Variants in HS6ST1 observed in about 807,000 individuals in gnomAD.
The protein encoded by HS6ST1 is heparan sulfate 6-O-sulfotransferase 1, also known as heparan-sulfate 6-O-sulfotransferase 1.
In HS6ST1, 3 loss-of-function variants were observed where a neutral mutation model predicts 25.2. That is an observed-to-expected ratio of 0.12 (90% CI 0.05 to 0.31). HS6ST1 has a LOEUF of 0.31. Ranked by LOEUF, HS6ST1 falls within the 10% of genes least tolerant of loss-of-function variation. The pLI is 1.00. For synonymous variants in HS6ST1, 204 were observed against 275.1 expected (o/e 0.74, Z 2.56); for missense variants, 310 against 609.6 (o/e 0.51, Z 5.18).
chr2:128,273,148 G>A (rs1215780325), intron 1 of HS6ST1, among the ~76,000 whole-genome samples: 1 of 152,184 alleles, frequency 6.6e-6, no homozygotes, highest in Admixed American at 6.5e-5. Flanking sequence ...CTGGCCCAGC[G>A]GCTCTGCGTC....
Position 128,265,899 on chromosome 2 carries a change from G to A in HS6ST1, c.*2263C>T, listed in dbSNP as rs1693503211. The A allele has an allele frequency of 6.6e-6, 1 of 152,016 alleles. No individual in the cohort carries two copies. Among genetic ancestry groups the A allele is most frequent in the Non-Finnish European group, 1.5e-5 (1 of 67,990 alleles). The allele number at this position is 152,016 out of a possible 1,614,324, so 9.4% of individuals were successfully genotyped here. A position where few individuals can be genotyped will look rare whatever the true frequency, so the allele number is the denominator to read the frequency against. On this transcript the variant is annotated 3_prime_UTR_variant, in exon 2 of 2. Coordinates refer to ENST00000259241, the MANE Select transcript of HS6ST1 (RefSeq NM_004807.3). ...CAAAGGAACTGTTGACCCAAAGCAG[G>A]TGGCCTGAATGGGAAGTGCCAGGCT... is the stretch of plus-strand genomic sequence containing the variant.
At chr2:128,269,341 T>TG (rs566108850) in intron 1 of HS6ST1, among the ~76,000 whole-genome samples, 3,448 of 145,666 alleles carry the variant, frequency 0.024, 62 homozygotes, top group African/African-American at 0.051. Context: ...TGGTGGTGGT[T>TG]GGGGGGGGGG....
intron 1 of HS6ST1, among the ~76,000 whole-genome samples, chr2:128,316,605 G>A (rs1161559774): frequency 6.6e-6 from 1 of 152,298 alleles, no homozygotes; most frequent in African/African-American, 2.4e-5. Context: ...TCCTTCAGGG[G>A]CCCTAGACAG....
intron 1 of HS6ST1, among the ~76,000 whole-genome samples, chr2:128,316,797 G>A (rs1037452549): frequency 3.3e-5 from 5 of 152,124 alleles, no homozygotes; most frequent in Admixed American, 6.5e-5. Flanking sequence ...CTGACAGCCT[G>A]AGAAAGACCA....
chr2:128,293,292 C>G (rs891256512), intron 1 of HS6ST1, among the ~76,000 whole-genome samples: 2 of 152,234 alleles, frequency 1.3e-5, no homozygotes, highest in Non-Finnish European at 2.9e-5. Flanking sequence ...CCCCATAAGC[C>G]TGCCCAAGGG....
chr2:128,294,671 CGTGTGTGTGTGTGT>C (rs56059401), intron 1 of HS6ST1, among the ~76,000 whole-genome samples: 200 of 136,146 alleles, frequency 1.5e-3, no homozygotes, highest in Middle Eastern at 7.2e-3. Context: ...AGAAGGGAGG[CGTGTGTGTGTGTGT>C]GTGTGTGTGT....
At chr2:128,281,775 G>A (rs1033989340) in intron 1 of HS6ST1, among the ~76,000 whole-genome samples, 15 of 152,208 alleles carry the variant, frequency 9.9e-5, no homozygotes, top group African/African-American at 3.4e-4. Context: ...GCTCCCGGGC[G>A]GGGCCAGGAG....
rs1488555201 is a variant in HS6ST1 at position 128,267,165 on chromosome 2, G to A, written c.*997C>T. On this transcript the variant is annotated 3_prime_UTR_variant, in exon 2 of 2. Coordinates refer to ENST00000259241, the MANE Select transcript of HS6ST1 (RefSeq NM_004807.3). Reference sequence around the variant, plus strand: ...GAAGCCTGATGAACTTAATCCGTACGCTGGTGGGAGCAGTGGTATTTGAGC... The same window carrying A: ...GAAGCCTGATGAACTTAATCCGTACACTGGTGGGAGCAGTGGTATTTGAGC... 10 of 152,288 alleles carry A rather than the reference G, an allele frequency of 6.6e-5. No homozygotes were observed. The highest frequency in any genetic ancestry group is 2.1e-4 in the South Asian group (1 of 4,828). The allele number at this position is 152,288 out of a possible 1,614,324, so 9.4% of individuals were successfully genotyped here.
At chr2:128,272,429 T>C (rs541758251) in intron 1 of HS6ST1, among the ~76,000 whole-genome samples, 4 of 152,230 alleles carry the variant, frequency 2.6e-5, no homozygotes, top group African/African-American at 9.6e-5. Context: ...GCACATGTAG[T>C]ATGCACAGTG....
chr2:128,298,424 C>T (rs994842881), intron 1 of HS6ST1, among the ~76,000 whole-genome samples: 12 of 152,166 alleles, frequency 7.9e-5, no homozygotes, highest in Admixed American at 2.0e-4. Context: ...CAAGAGTCCA[C>T]TGACAGATGA....
Position 128,271,131 on chromosome 2 carries a change from G to C in HS6ST1, c.528-2261C>G, listed in dbSNP as rs376954875. ...AGAGTCATGACACTGGCCAGGGTCT[G>C]TGCTAGCTGACTGGAAGACCTGCAG... On this transcript the variant is annotated intron_variant, in intron 1 of 1. Coordinates refer to ENST00000259241, the MANE Select transcript of HS6ST1 (RefSeq NM_004807.3). Among the ~76,000 whole-genome samples the C allele has an allele frequency of 3.8e-4, 58 of 152,332 alleles. No individual in the cohort carries two copies. The East Asian group carries it at 7.9e-3, about 21-fold the overall frequency.
rs527903834 is a variant in HS6ST1, at chr2:128,268,145, C to T, written c.*17G>A. ...CCCCACACCCCCCAAGAGGCCTCCC[C>T]GTGGCCACCACCGCCACTACCACTT... On this transcript the variant is annotated 3_prime_UTR_variant, in exon 2 of 2. Coordinates refer to ENST00000259241, the MANE Select transcript of HS6ST1 (RefSeq NM_004807.3). The T allele has an allele frequency of 3.9e-5, 61 of 1,570,642 alleles. No individual in the cohort carries two copies. Among genetic ancestry groups the T allele is most frequent in the Admixed American group, 1.6e-4 (9 of 56,994 alleles).
chr2:128,292,834 G>A (rs930570189), intron 1 of HS6ST1, among the ~76,000 whole-genome samples: 5 of 152,196 alleles, frequency 3.3e-5, no homozygotes, highest in East Asian at 3.9e-4. Context: ...ATCAGCTGAC[G>A]GGCTCCTGCT....
At chr2:128,311,764 C>T (rs12994602) in intron 1 of HS6ST1, among the ~76,000 whole-genome samples, 23,913 of 152,254 alleles carry the variant, frequency 0.16, 2,352 homozygotes, top group Non-Finnish European at 0.22. Flanking sequence ...ATGGCCTAGA[C>T]CCACCTGCAC....
intron 1 of HS6ST1, among the ~76,000 whole-genome samples, chr2:128,281,869 A>T (rs1301697566): frequency 6.6e-6 from 1 of 152,230 alleles, no homozygotes; most frequent in Non-Finnish European, 1.5e-5. Context: ...CCCCATAGGC[A>T]TGAATTATTC....
At chr2:128,288,272 C>T (rs575597023) in intron 1 of HS6ST1, among the ~76,000 whole-genome samples, 130 of 152,280 alleles carry the variant, frequency 8.5e-4, no homozygotes, top group African/African-American at 3.0e-3. Flanking sequence ...CCAAGAGAGA[C>T]GTGGAGGCCC....
Position 128,268,596 on chromosome 2 carries a change from TG to T in HS6ST1, c.801del (p.Phe267LeufsTer27), listed in dbSNP as rs1558866410. ...AGCTGGGCCCGCTTGCCCTCGGGGA[TG>T]AAGGACAGGTTGTAGCAGCCCACCA... ...LSLVGCYNLSFIPEGKRAQLL... is the reference protein window; with the variant it reads ...LSLVGCYNLSXIPEGKRAQLL... On this transcript the variant is annotated frameshift_variant, in exon 2 of 2. Coordinates refer to ENST00000259241, the MANE Select transcript of HS6ST1 (RefSeq NM_004807.3). LOFTEE classifies it high-confidence loss of function. 1 of 1,606,608 alleles carries T rather than the reference TG, an allele frequency of 6.2e-7. No homozygotes were observed. The highest frequency in any genetic ancestry group is 8.5e-7 in the Non-Finnish European group (1 of 1,176,338).
chr2:128,273,347 GGCCA>G (rs1431059581), intron 1 of HS6ST1, among the ~76,000 whole-genome samples: 1 of 152,180 alleles, frequency 6.6e-6, no homozygotes, highest in African/African-American at 2.4e-5. Flanking sequence ...ATAGACAAAG[GGCCA>G]GCCAGACTCT....
At chr2:128,314,108 T>G (rs1694328938) in intron 1 of HS6ST1, among the ~76,000 whole-genome samples, 1 of 152,142 alleles carries the variant, frequency 6.6e-6, no homozygotes, top group South Asian at 2.1e-4. Flanking sequence ...TCACATGCTC[T>G]GGGTAACATC....
Sources: allele counts gnomAD v4.1 joint callset (sites outside exome capture counted in the v4.1 genomes callset), GRCh38; gene constraint gnomAD v4.1.1; transcripts MANE v1.5; gene names NCBI Gene and HGNC (gene_info 2026-07-23, HGNC 2026-07-21).